The following CDH23 variants were observed in gnomAD, a reference collection of about 807,000 sequenced individuals.
The protein encoded by CDH23 is cadherin-23.
CDH23 carries 189 observed loss-of-function variants against 317.1 expected under a neutral mutation model. The ratio of observed to expected loss-of-function variants is 0.60; its 90% confidence interval spans 0.53 to 0.67. The LOEUF is 0.67. CDH23 is among the 30% of genes least tolerant of loss of function. The probability of loss-of-function intolerance (pLI) is 0.00; values close to 1 mark genes in which losing one functional copy is unlikely to be tolerated. For missense variants in CDH23, 4,401 were observed against 4,592.4 expected (o/e 0.96, Z 1.20); for synonymous variants, 1,839 against 1,876.8 (o/e 0.98, Z 0.52).
chr10:71,637,754 G>A (rs989185860), intron 11 of CDH23, among the ~76,000 whole-genome samples: 1 of 152,146 alleles, frequency 6.6e-6, no homozygotes, highest in African/African-American at 2.4e-5. Context: ...AGCTTGGGCT[G>A]AGGGTGTCAC....
At chr10:71,679,630 C>T (rs979901768) in intron 17 of CDH23, 138 bp downstream of exon 17, 5 of 697,840 alleles carry the variant, frequency 7.2e-6, no homozygotes, top group Middle Eastern at 3.4e-4. Context: ...CTGCCCGGAG[C>T]ACCTGGGGTG....
intron 3 of CDH23, among the ~76,000 whole-genome samples, chr10:71,492,869 G>A (rs181256024): frequency 2.0e-4 from 31 of 152,324 alleles, no homozygotes; most frequent in African/African-American, 7.2e-4. Flanking sequence ...TTGTGGGATT[G>A]ATTCAGCGCT....
intron 9 of CDH23, among the ~76,000 whole-genome samples, chr10:71,612,762 A>C (rs1289684039): frequency 2.6e-5 from 4 of 152,332 alleles, no homozygotes; most frequent in African/African-American, 9.6e-5. Context: ...AGAGGACCTC[A>C]GCCCCTACAG....
chr10:71,522,115 C>G (rs1289325940), intron 6 of CDH23, among the ~76,000 whole-genome samples: 1 of 139,516 alleles, frequency 7.2e-6, no homozygotes, highest in Admixed American at 7.0e-5. Flanking sequence ...GTGGCCCCCA[C>G]AAGCTTACAC....
chr10:71,698,159 A>G (rs1865461073), intron 22 of CDH23, among the ~76,000 whole-genome samples: 1 of 152,198 alleles, frequency 6.6e-6, no homozygotes, highest in Non-Finnish European at 1.5e-5. Context: ...ATTCCCAGTT[A>G]CGTATGATGA....
Position 71,751,529 on chromosome 10 carries a change from C to G in CDH23, c.4845+9608C>G. 1.6e-6 allele frequency: 1 copy of G among 640,998 alleles called. No homozygotes were observed. Among genetic ancestry groups the G allele is most frequent in the Non-Finnish European group, 2.6e-6 (1 of 382,778 alleles). The allele number at this position is 640,998 out of a possible 1,614,324, so 39.7% of individuals were successfully genotyped here. ...CTCTTCAGGGAGGTGAATGGGGGCCCCTCTGTCCCTCACCCTCAACCCCAC... is the reference window on the plus strand; with the variant it reads ...CTCTTCAGGGAGGTGAATGGGGGCCGCTCTGTCCCTCACCCTCAACCCCAC... On this transcript the variant is annotated intron_variant, in intron 38 of 69. Transcript: ENST00000224721. This position sits in a 1 kb window ranked among gnomAD's most constrained non-coding sequence, Gnocchi z 4.9.
rs548396727 is a variant in CDH23 at position 71,568,686 on chromosome 10, C to T, written c.624+1750C>T. Among the ~76,000 whole-genome samples the T allele has an allele frequency of 5.3e-5, 8 of 152,156 alleles. No homozygotes were observed. The South Asian group carries it at 1.0e-3, about 20-fold the overall frequency. ...GTGCCCTTGGCTGCTGAGCACTTCC[C>T]CAAGGAAGGAGATTCTCGGCCTGGC... On this transcript the variant is annotated intron_variant, in intron 7 of 69. Transcript: ENST00000224721.
At chr10:71,706,831 T>C in intron 25 of CDH23, 66 bp from the exon 26 acceptor site, 2 of 1,527,716 alleles carry the variant, frequency 1.3e-6, no homozygotes, top group Non-Finnish European at 1.8e-6. Context: ...CTGGAGACGC[T>C]GCTCTGGAGC....
intron 10 of CDH23, among the ~76,000 whole-genome samples, chr10:71,616,853 C>G (rs1861215144): frequency 6.6e-6 from 1 of 152,188 alleles, no homozygotes; most frequent in Non-Finnish European, 1.5e-5. Context: ...CACAATCTGC[C>G]AAAGAGAATG....
intron 19 of CDH23, among the ~76,000 whole-genome samples, chr10:71,688,839 G>A (rs1397361347): frequency 3.5e-5 from 4 of 114,372 alleles, no homozygotes; most frequent in African/African-American, 6.5e-5. Flanking sequence ...GGTGGAGTCA[G>A]GGGTGGTGGA....
intron 3 of CDH23, among the ~76,000 whole-genome samples, chr10:71,505,437 G>T (rs1055038374): frequency 2.0e-5 from 3 of 152,296 alleles, no homozygotes; most frequent in East Asian, 1.9e-4. Flanking sequence ...TCTAACCATG[G>T]TAGACAAGGT....
chr10:71,554,507 C>T (rs945873258), intron 6 of CDH23, among the ~76,000 whole-genome samples: 2 of 152,166 alleles, frequency 1.3e-5, no homozygotes, highest in East Asian at 1.9e-4. Context: ...AGACTCCTTG[C>T]GTCTCTCAGT....
intron 6 of CDH23, among the ~76,000 whole-genome samples, chr10:71,542,070 G>T (rs1471894359): frequency 6.6e-6 from 1 of 152,194 alleles, no homozygotes; most frequent in Non-Finnish European, 1.5e-5. Flanking sequence ...TTCCAGATAA[G>T]GAAACTGAGG....
chr10:71,713,290 G>C (rs764860341), intron 28 of CDH23: 4 of 779,290 alleles, frequency 5.1e-6, no homozygotes, highest in Non-Finnish European at 7.2e-6. Context: ...CAGCTCCAAG[G>C]CTCAGAGGGA....
chr10:71,580,547 C>A (rs1487428311), intron 9 of CDH23, among the ~76,000 whole-genome samples: 6 of 152,198 alleles, frequency 3.9e-5, no homozygotes, highest in Non-Finnish European at 7.4e-5. Context: ...TGGCTGCCTG[C>A]AGAGGATCAT....
chr10:71,455,724 G>C (rs1211436499), intron 3 of CDH23, among the ~76,000 whole-genome samples: 3 of 152,152 alleles, frequency 2.0e-5, no homozygotes, highest in Non-Finnish European at 4.4e-5. Flanking sequence ...TTAAAGTCAC[G>C]GGTAGCAGTG....
intron 28 of CDH23, among the ~76,000 whole-genome samples, chr10:71,720,165 G>A (rs1015517358): frequency 9.2e-5 from 14 of 152,208 alleles, no homozygotes; most frequent in African/African-American, 3.1e-4. Context: ...GGAGCAGGGA[G>A]AGTGCTGGTC....
chr10:71,468,600 C>T (rs1356181334), intron 3 of CDH23, among the ~76,000 whole-genome samples: 1 of 152,224 alleles, frequency 6.6e-6, no homozygotes, highest in Non-Finnish European at 1.5e-5. Flanking sequence ...TCAGCTCTGG[C>T]TTCTGCCACC....
chr10:71,444,671 C>T (rs1850071552), intron 2 of CDH23, among the ~76,000 whole-genome samples: 1 of 152,190 alleles, frequency 6.6e-6, no homozygotes. Context: ...AGGCCAGTCT[C>T]CCAGCTCTGC....
Sources: gnomAD v4.1 joint callset for allele counts (sites outside exome capture counted in the v4.1 genomes callset) on GRCh38, gnomAD v4.1.1 for gene constraint, Gnocchi (gnomAD v3.1) non-coding constraint, MANE v1.5 for transcripts, NCBI Gene and HGNC (gene_info 2026-07-23, HGNC 2026-07-21) for gene names.